Variants in SORCS1 observed in about 807,000 individuals in gnomAD.
SORCS1 encodes VPS10 domain-containing receptor SorCS1.
Under a neutral mutation model 146.1 loss-of-function variants are expected in SORCS1, and 60 were observed. The ratio of observed to expected loss-of-function variants is 0.41; its 90% CI spans 0.33 to 0.51. SORCS1 has a LOEUF of 0.51. Among genes scored for constraint, SORCS1 ranks in the 20% least tolerant of loss-of-function variants. The pLI is 0.21. For missense variants in SORCS1, 1,352 were observed against 1,487.6 expected (o/e 0.91, Z 1.50); for synonymous variants, 637 against 584.0 (o/e 1.09, Z -1.31).
At position 106,849,491 on chromosome 10, in the gene SORCS1, A is replaced by T. The variant is rs1319176679; in HGVS notation, c.627-19818T>A. On this transcript the variant is annotated intron_variant, in intron 2 of 25. Transcript: ENST00000263054. ...TTATTCTAGTTATACATTCTTCTAAATTTTTTTCAAAGTTTTCAACTTCTT... is the reference window on the plus strand; with the variant it reads ...TTATTCTAGTTATACATTCTTCTAATTTTTTTTCAAAGTTTTCAACTTCTT... 4.2e-5 allele frequency among the ~76,000 whole-genome samples: 6 copies of T among 143,916 alleles called. No individual in the cohort carries two copies. In the South Asian group the frequency reaches 1.4e-3, roughly 34 times the overall value. The allele number at this position is 143,916 out of a possible 152,430, so 94.4% of individuals were successfully genotyped here.
intron 18 of SORCS1, among the ~76,000 whole-genome samples, chr10:106,641,210 A>T (rs900766235): frequency 1.3e-5 from 2 of 152,128 alleles, no homozygotes; most frequent in African/African-American, 4.8e-5. Flanking sequence ...CAGGTGAGCT[A>T]AGTTGTGGGA....
At chr10:106,837,521 A>G (rs1948836948) in intron 2 of SORCS1, among the ~76,000 whole-genome samples, 2 of 151,122 alleles carry the variant, frequency 1.3e-5, no homozygotes, top group African/African-American at 4.9e-5. Context: ...AGTTTTGTGT[A>G]TTGGCTTTTG....
At chr10:106,594,165 C>T (rs1845773813) in intron 24 of SORCS1, among the ~76,000 whole-genome samples, 1 of 152,216 alleles carries the variant, frequency 6.6e-6, no homozygotes, top group African/African-American at 2.4e-5. Flanking sequence ...TAATTACCCA[C>T]TTTTTGATCT....
At chr10:106,934,474 C>T (rs78280155) in intron 2 of SORCS1, among the ~76,000 whole-genome samples, 9,407 of 151,966 alleles carry the variant, frequency 0.062, 840 homozygotes, top group African/African-American at 0.19. Flanking sequence ...TTAGCCAGGA[C>T]AGTCTGGATC....
intron 1 of SORCS1, among the ~76,000 whole-genome samples, chr10:106,975,239 T>A (rs1195387098): frequency 6.6e-6 from 1 of 152,228 alleles, no homozygotes; most frequent in African/African-American, 2.4e-5. Flanking sequence ...AGAACAAACT[T>A]CCAGTTTCTT....
intron 22 of SORCS1, among the ~76,000 whole-genome samples, chr10:106,610,684 T>A (rs961247415): frequency 6.6e-6 from 1 of 152,202 alleles, no homozygotes; most frequent in African/African-American, 2.4e-5. Flanking sequence ...GAGCTAAGAA[T>A]ATGCCCTGGG....
chr10:106,577,512 C>G lies in SORCS1; in HGVS notation c.3415G>C (p.Gly1139Arg), dbSNP rs1247369771. The G allele has an allele frequency of 1.2e-6, 2 of 1,607,726 alleles. No individual in the cohort carries two copies. Among genetic ancestry groups the G allele is most frequent in the Non-Finnish European group, 1.7e-6 (2 of 1,176,504 alleles). The change falls in exon 26 of 26, where the codon GGT (glycine) becomes CGT (arginine). Residue 1139 changes from glycine to arginine, a missense_variant. Physicochemically the swap from Gly to Arg is moderately radical, Grantham distance 125 (BLOSUM62 -2). Transcript: ENST00000263054. ...PSPPSPSTQP[G>R]DSSLRLQRAR... ...CTTTGCAATCGGAGAGATGAGTCAC[C>G]AGGTTGAGTAGAAGGGGAGGGAGGG... is the stretch of plus-strand genomic sequence containing the variant.
chr10:107,132,746 G>C (rs952392244), intron 1 of SORCS1, among the ~76,000 whole-genome samples: 1 of 152,140 alleles, frequency 6.6e-6, no homozygotes, highest in South Asian at 2.1e-4. Context: ...ATTATTGTCT[G>C]TTTGTTAAAG....
At chr10:106,722,797 C>T (rs530242366) in intron 6 of SORCS1, among the ~76,000 whole-genome samples, 6 of 152,168 alleles carry the variant, frequency 3.9e-5, no homozygotes, top group Non-Finnish European at 5.9e-5. Context: ...TTACAGATGA[C>T]CATAATATAC....
intron 1 of SORCS1, among the ~76,000 whole-genome samples, chr10:107,136,939 A>G (rs1967351122): frequency 6.6e-6 from 1 of 152,122 alleles, no homozygotes; most frequent in Non-Finnish European, 1.5e-5. Flanking sequence ...TTCCCCTCAA[A>G]TCACTCTATC....
At chr10:106,969,070 C>T (rs534462056) in intron 1 of SORCS1, among the ~76,000 whole-genome samples, 1 of 152,118 alleles carries the variant, frequency 6.6e-6, no homozygotes, top group African/African-American at 2.4e-5. Context: ...ATTTAGGTAA[C>T]ATCTTAAAAT....
At chr10:106,626,622 C>G (rs957111483) in intron 19 of SORCS1, among the ~76,000 whole-genome samples, 7 of 152,124 alleles carry the variant, frequency 4.6e-5, no homozygotes, top group African/African-American at 1.7e-4. Flanking sequence ...CAGTGCTTCT[C>G]CAATCCTTGA....
intron 1 of SORCS1, among the ~76,000 whole-genome samples, chr10:107,142,016 A>C (rs913649734): frequency 8.5e-5 from 13 of 152,206 alleles, no homozygotes; most frequent in Non-Finnish European, 1.3e-4. Context: ...GGGAAGATAA[A>C]GTGGAGGAGG....
chr10:106,843,478 GGA>G (rs1491226264), intron 2 of SORCS1, among the ~76,000 whole-genome samples: 5 of 132,650 alleles, frequency 3.8e-5, no homozygotes, highest in South Asian at 2.4e-4. Flanking sequence ...TGCTCAGGCT[GGA>G]GAGTGCAGTG....
intron 1 of SORCS1, among the ~76,000 whole-genome samples, chr10:107,078,954 G>A (rs562089416): frequency 1.1e-4 from 17 of 152,192 alleles, no homozygotes; most frequent in African/African-American, 3.4e-4. Flanking sequence ...GGCTGGGCAC[G>A]GTGGCTCAGG....
intron 18 of SORCS1, among the ~76,000 whole-genome samples, chr10:106,635,194 A>G (rs115720288): frequency 4.3e-4 from 65 of 152,080 alleles, no homozygotes; most frequent in African/African-American, 1.5e-3. Flanking sequence ...TGCTATGGAA[A>G]CTCCTCACGG....
chr10:106,730,082 A>G lies in SORCS1; in HGVS notation c.992T>C (p.Leu331Pro). Residue 331 changes from leucine (L) to proline (P), a missense_variant, in exon 6 of 26, where the codon CTT becomes CCT. Leu to Pro is a moderately conservative substitution (Grantham distance 98). Transcript: ENST00000263054. ...CACAGTTCTGGCCTCAAGATGCACAAGGTCTGGTTCTTTATTTGACCCCAT... is the reference window on the plus strand; with the variant it reads ...CACAGTTCTGGCCTCAAGATGCACAGGGTCTGGTTCTTTATTTGACCCCAT... ...SVMGSNKEPDLVHLEARTVDG... is the reference protein window; with the variant it reads ...SVMGSNKEPDPVHLEARTVDG... 6.2e-7 allele frequency: 1 copy of G among 1,614,212 alleles called. No individual in the cohort carries two copies. Among genetic ancestry groups the G allele is most frequent in the Admixed American group, 1.7e-5 (1 of 60,020 alleles).
At chr10:106,797,085 C>T (rs1404634156) in intron 3 of SORCS1, among the ~76,000 whole-genome samples, 2 of 151,930 alleles carry the variant, frequency 1.3e-5, no homozygotes, top group East Asian at 3.9e-4. Context: ...CCAGCATGGG[C>T]GACAGAGCAA....
intron 1 of SORCS1, among the ~76,000 whole-genome samples, chr10:107,148,746 A>T (rs535792922): frequency 4.5e-4 from 68 of 152,320 alleles, no homozygotes; most frequent in Non-Finnish European, 7.8e-4. Flanking sequence ...TCCCTGCCCT[A>T]AGATTTTAAT....
Sources: allele counts gnomAD v4.1 joint callset (sites outside exome capture counted in the v4.1 genomes callset), GRCh38; gene constraint gnomAD v4.1.1; transcripts MANE v1.5; gene names NCBI Gene and HGNC (gene_info 2026-07-23, HGNC 2026-07-21).